Variants in DNAH7 observed in about 807,000 individuals in gnomAD.
The protein encoded by DNAH7 is dynein axonemal heavy chain 7, also known as axonemal beta dynein heavy chain 7.
A neutral mutation model predicts 444.6 loss-of-function variants in DNAH7; 397 were observed. That is an observed-to-expected ratio of 0.89 (90% CI 0.82 to 0.97). DNAH7 has a LOEUF of 0.97. DNAH7 is among the 50% of genes least tolerant of loss of function. The probability of loss-of-function intolerance (pLI) is 0.00; values close to 1 mark genes in which losing one functional copy is unlikely to be tolerated. For synonymous variants in DNAH7, 1,636 were observed against 1,624.4 expected, an observed-to-expected ratio of 1.01 and a Z score of -0.17; for missense variants, 4,902 against 4,800.8, an observed-to-expected ratio of 1.02 and a Z score of -0.62.
intron 8 of DNAH7, among the ~76,000 whole-genome samples, chr2:196,020,617 T>G (rs1260163552): frequency 1.3e-5 from 2 of 150,970 alleles, no homozygotes; most frequent in East Asian, 1.9e-4. Context: ...CTTTTGTTTT[T>G]TTTTTTTTTT....
rs1174140251 is a variant in DNAH7 at position 195,857,688 on chromosome 2, A to G, written c.8103T>C (p.Pro2701=). 1.2e-6 allele frequency: 2 copies of G among 1,611,262 alleles called. No homozygotes were observed. Among genetic ancestry groups the G allele is most frequent in the Non-Finnish European group, 1.7e-6 (2 of 1,178,992 alleles). ...CTTCCATAACAAGCTTGACACCAGCAGGAGGACTCTTCATGGATTTTACCA... is the reference window on the plus strand; with the variant it reads ...CTTCCATAACAAGCTTGACACCAGCGGGAGGACTCTTCATGGATTTTACCA... ...ITVVKSMKSP[P]AGVKLVMEAI... The change falls in exon 44 of 65, where the codon CCT becomes CCC. Residue 2701 remains proline, a synonymous_variant. Coordinates refer to ENST00000312428, the MANE Select transcript of DNAH7 (RefSeq NM_018897.3).
In DNAH7 at chr2:195,872,418, G is replaced by A; in HGVS notation, c.6465C>T (p.Gly2155=). The A allele has an allele frequency of 6.2e-7, 1 of 1,610,938 alleles. No homozygotes were observed. Residue 2155 remains glycine (G), a synonymous_variant, in exon 40 of 65, where the codon GGC becomes GGT. Transcript: ENST00000312428. ...FLDLTTQIVN[G]TMTLYKEAMK... is the part of the protein sequence containing the mutation. ...TTGCTTCTTTATACAGAGTCATTGT[G>A]CCATTTACGATTTGTGTGGTCAAAT...
chr2:196,043,014 T>C (rs532647611), intron 5 of DNAH7, among the ~76,000 whole-genome samples: 1 of 151,822 alleles, frequency 6.6e-6, no homozygotes, highest in East Asian at 1.9e-4. Flanking sequence ...GGTAAAAGTA[T>C]AGAGATAGAA....
intron 34 of DNAH7, among the ~76,000 whole-genome samples, chr2:195,885,396 C>A (rs1559184108): frequency 1.3e-5 from 2 of 152,114 alleles, no homozygotes; most frequent in South Asian, 4.1e-4. Context: ...AAAACAAGGT[C>A]TTTTATTAAG....
chr2:195,763,366 TAAGAA>T, intron 61 of DNAH7, among the ~76,000 whole-genome samples: 1 of 151,438 alleles, frequency 6.6e-6, no homozygotes, highest in African/African-American at 2.4e-5. Flanking sequence ...AAAATTAATA[TAAGAA>T]AAGAAATAAT....
chr2:195,805,181 T>A (rs1326741840), intron 54 of DNAH7, among the ~76,000 whole-genome samples: 1 of 152,204 alleles, frequency 6.6e-6, no homozygotes, highest in Non-Finnish European at 1.5e-5. Context: ...GGGAAAATAT[T>A]TGCAGACAAA....
intron 5 of DNAH7, among the ~76,000 whole-genome samples, chr2:196,046,910 C>T (rs768868764): frequency 1.3e-5 from 2 of 152,216 alleles, no homozygotes; most frequent in African/African-American, 2.4e-5. Flanking sequence ...CTGCCTTGCT[C>T]TTTATGAACT....
chr2:195,981,652 C>A (rs2125611630), intron 15 of DNAH7, among the ~76,000 whole-genome samples: 1 of 152,116 alleles, frequency 6.6e-6, no homozygotes, highest in East Asian at 1.9e-4. Context: ...AACACAGAAA[C>A]CAATTCATAA....
chr2:195,888,175 A>C, intron 33 of DNAH7, 83 bp downstream of exon 33: 1 of 1,166,472 alleles, frequency 8.6e-7, no homozygotes, highest in South Asian at 1.6e-5. Context: ...AGCTGATAAT[A>C]AAAACAGACA....
At chr2:195,817,668 G>C in intron 50 of DNAH7, 28 bp downstream of exon 50, 2 of 1,574,568 alleles carry the variant, frequency 1.3e-6, no homozygotes, top group Non-Finnish European at 1.7e-6. Flanking sequence ...AAACAAATAA[G>C]AATAGTTCTG....
intron 33 of DNAH7, among the ~76,000 whole-genome samples, chr2:195,886,741 G>A (rs1701734004): frequency 6.6e-6 from 1 of 152,078 alleles, no homozygotes; most frequent in South Asian, 2.1e-4. Flanking sequence ...TGCTGAACTT[G>A]TCGTGCACTT....
intron 46 of DNAH7, among the ~76,000 whole-genome samples, chr2:195,849,360 C>A (rs1699209890): frequency 1.3e-5 from 2 of 152,224 alleles, no homozygotes; most frequent in South Asian, 4.1e-4. Context: ...ATAATTCCAT[C>A]TGCAAAGTCC....
At chr2:195,836,183 C>T (rs913082124) in intron 47 of DNAH7, among the ~76,000 whole-genome samples, 15 of 152,244 alleles carry the variant, frequency 9.9e-5, no homozygotes, top group Non-Finnish European at 1.0e-4. Context: ...ATTAGGGCTC[C>T]CCCTTAAGAC....
chr2:196,015,613 T>A (rs1447412635), intron 9 of DNAH7, among the ~76,000 whole-genome samples: 1 of 152,196 alleles, frequency 6.6e-6, no homozygotes, highest in Non-Finnish European at 1.5e-5. Context: ...GTTCTGTAAG[T>A]GTAAATACCA....
chr2:195,962,868 G>C (rs1383640662), intron 17 of DNAH7, among the ~76,000 whole-genome samples: 1 of 152,150 alleles, frequency 6.6e-6, no homozygotes, highest in Non-Finnish European at 1.5e-5. Flanking sequence ...AACATGCAAA[G>C]TTTGTCTTTC....
chr2:196,056,927 T>C (rs1441910035), intron 2 of DNAH7, among the ~76,000 whole-genome samples: 1 of 152,124 alleles, frequency 6.6e-6, no homozygotes, highest in Non-Finnish European at 1.5e-5. Flanking sequence ...ATTTAAGACT[T>C]GTGGGAGGGA....
chr2:196,063,614 G>C (rs1323371637), intron 1 of DNAH7: 1 of 152,280 alleles, frequency 6.6e-6, no homozygotes, highest in Non-Finnish European at 1.5e-5. Flanking sequence ...AACTGAGCAA[G>C]GTTCTCCTCT....
chr2:196,001,711 G>A lies in DNAH7; in HGVS notation c.1137C>T (p.Ser379=), dbSNP rs116405483. The change falls in exon 11 of 65, where the codon TCC becomes TCT. Residue 379 remains serine (S), a synonymous_variant. Transcript: ENST00000312428. ...CAATTAAGTCCGTGAAATCTTGCAT[G>A]GAGACTAAAGTGAGGTCCTGCAGCT... ...TLQLQDLTLV[S]MQDFTDLIAQ... The A allele has an allele frequency of 1.3e-6, 2 of 1,591,912 alleles. No individual in the cohort carries two copies. The highest frequency in any genetic ancestry group is 1.3e-5 in the African/African-American group (1 of 74,250).
At chr2:195,939,101 G>A (rs535563781) in intron 19 of DNAH7, among the ~76,000 whole-genome samples, 1 of 152,192 alleles carries the variant, frequency 6.6e-6, no homozygotes, top group African/African-American at 2.4e-5. Flanking sequence ...GACTAAATTA[G>A]ATAATGTATT....
Sources: allele counts gnomAD v4.1 joint callset (sites outside exome capture counted in the v4.1 genomes callset), GRCh38; gene constraint gnomAD v4.1.1; transcripts MANE v1.5; gene names NCBI Gene and HGNC (gene_info 2026-07-23, HGNC 2026-07-21).